The following NOL9 variants were observed in gnomAD, a reference collection of about 807,000 sequenced individuals.
NOL9 encodes the protein nucleolar protein 9.
NOL9 carries 28 observed loss-of-function variants against 67.9 expected under a neutral mutation model. That is an observed-to-expected ratio of 0.41 (90% CI 0.31 to 0.57). NOL9 has a LOEUF of 0.57. Among genes scored for constraint, NOL9 ranks in the 20% least tolerant of loss-of-function variants. The probability of loss-of-function intolerance (pLI) is 0.25; values close to 1 mark genes in which losing one functional copy is unlikely to be tolerated. For synonymous variants in NOL9, 356 were observed against 352.2 expected, an observed-to-expected ratio of 1.01 and a Z score of -0.12; for missense variants, 777 against 897.0, an observed-to-expected ratio of 0.87 and a Z score of 1.71.
intron 5 of NOL9, among the ~76,000 whole-genome samples, chr1:6,542,670 G>A (rs1377537574): frequency 4.0e-5 from 6 of 151,444 alleles, no homozygotes; most frequent in Admixed American, 3.9e-4. Context: ...TGTTAGCCAG[G>A]ATGGTCTCGA....
intron 10 of NOL9, 109 bp from the exon 11 acceptor site, chr1:6,526,938 G>A (rs1023468701): frequency 3.1e-5 from 43 of 1,367,532 alleles, no homozygotes; most frequent in Non-Finnish European, 3.9e-5. Flanking sequence ...TATCAACTCT[G>A]TTTTGTTTTG....
intron 1 of NOL9, among the ~76,000 whole-genome samples, chr1:6,553,458 T>C (rs1639588926): frequency 6.6e-6 from 1 of 151,996 alleles, no homozygotes; most frequent in African/African-American, 2.4e-5. Context: ...TTTAAATGGG[T>C]TCAAAGCCTA....
intron 1 of NOL9, among the ~76,000 whole-genome samples, chr1:6,552,347 G>C (rs1234337551): frequency 1.3e-5 from 2 of 150,464 alleles, no homozygotes; most frequent in Non-Finnish European, 3.0e-5. Context: ...TTCTGTACCT[G>C]AATTAGTTTG....
chr1:6,534,829 A>T (rs981734436), intron 6 of NOL9, among the ~76,000 whole-genome samples: 2 of 151,940 alleles, frequency 1.3e-5, no homozygotes, highest in African/African-American at 4.8e-5. Context: ...TTTGAGACAG[A>T]GTCTCACTCT....
intron 3 of NOL9, among the ~76,000 whole-genome samples, chr1:6,545,893 G>A (rs970868240): frequency 1.0e-4 from 12 of 117,138 alleles, no homozygotes; most frequent in Non-Finnish European, 1.3e-4. Flanking sequence ...CAACCTGGGC[G>A]ACAGAGGGAG....
chr1:6,549,030 C>T (rs923374563), intron 3 of NOL9, among the ~76,000 whole-genome samples: 1 of 151,616 alleles, frequency 6.6e-6, no homozygotes, highest in African/African-American at 2.4e-5. Context: ...TGCAGTGAGC[C>T]GAGAGATCAC....
Position 6,554,474 on chromosome 1 carries a change from C to T in NOL9, c.29G>A (p.Arg10Gln), listed in dbSNP as rs750670976. The T allele has an allele frequency of 4.3e-4, 672 of 1,550,002 alleles. No homozygotes were observed. Among genetic ancestry groups the T allele is most frequent in the Non-Finnish European group, 5.6e-4 (650 of 1,160,558 alleles). MADSGLLLK[R>Q]GSCRSTWLRV... Reference sequence around the variant, plus strand: ...CAGCCAAGTGGAACGGCAGGAACCCCGCTTTAGCAGCAGTCCCGAGTCCGC... The same window carrying T: ...CAGCCAAGTGGAACGGCAGGAACCCTGCTTTAGCAGCAGTCCCGAGTCCGC... The change falls in exon 1 of 12, where the codon CGG (arginine) becomes CAG (glutamine). Residue 10 changes from arginine (R) to glutamine (Q), a missense_variant. Arg to Gln is a conservative substitution (Grantham distance 43). Coordinates refer to ENST00000377705, the MANE Select transcript of NOL9 (RefSeq NM_024654.5).
At chr1:6,544,061 G>C (rs1388564914) in intron 5 of NOL9, among the ~76,000 whole-genome samples, 1 of 152,164 alleles carries the variant, frequency 6.6e-6, no homozygotes, top group East Asian at 1.9e-4. Flanking sequence ...GGGAGGCGGA[G>C]GTTGCAGTGA....
At chr1:6,539,756 T>G (rs1040253436) in intron 6 of NOL9, among the ~76,000 whole-genome samples, 3 of 152,210 alleles carry the variant, frequency 2.0e-5, no homozygotes, top group Non-Finnish European at 4.4e-5. Context: ...AGTGCTGGGA[T>G]TACAGGTGTG....
rs372692086 is a variant in NOL9, at chr1:6,544,967, T to C, written c.881-45A>G. ...TGATCGCTAGAATTAGCCGTCTTCC[T>C]TGGACTCGAATTATGACTAATCTTC... On this transcript the variant is annotated intron_variant, in intron 4 of 11. Transcript: ENST00000377705. 2.9e-5 allele frequency: 47 copies of C among 1,614,184 alleles called. No individual in the cohort carries two copies. The African/African-American group carries it at 4.4e-4, about 15-fold the overall frequency.
intron 7 of NOL9, 50 bp from the exon 8 acceptor site, chr1:6,532,810 C>T (rs1031930197): frequency 9.4e-6 from 14 of 1,491,124 alleles, no homozygotes; most frequent in East Asian, 2.3e-5. Flanking sequence ...AACAGTGACG[C>T]GCTCAAGAAC....
intron 6 of NOL9, among the ~76,000 whole-genome samples, chr1:6,535,052 C>G (rs900359269): frequency 2.6e-5 from 4 of 152,130 alleles, no homozygotes; most frequent in Non-Finnish European, 1.5e-5. Flanking sequence ...TCAAGTGATC[C>G]GCCTGCCTCG....
chr1:6,546,875 G>A (rs1218830109), intron 3 of NOL9, among the ~76,000 whole-genome samples: 1 of 152,020 alleles, frequency 6.6e-6, no homozygotes, highest in East Asian at 1.9e-4. Context: ...TTACTACTAA[G>A]CCTGTGAGTC....
chr1:6,547,553 T>A (rs867939290), intron 3 of NOL9, among the ~76,000 whole-genome samples: 1 of 150,968 alleles, frequency 6.6e-6, no homozygotes, highest in Non-Finnish European at 1.5e-5. Context: ...AAATGAATAA[T>A]ACGGTCAGCA....
At position 6,550,628 on chromosome 1, in the gene NOL9, G is replaced by C. The variant is rs868639241; in HGVS notation, c.397-13C>G. 1.3e-6 allele frequency: 2 copies of C among 1,544,480 alleles called. No individual in the cohort carries two copies. The highest frequency in any genetic ancestry group is 1.9e-4 in the Middle Eastern group (1 of 5,368). On this transcript the variant is annotated splice_polypyrimidine_tract_variant and intron_variant, in intron 1 of 11. Coordinates refer to ENST00000377705, the MANE Select transcript of NOL9 (RefSeq NM_024654.5). ...TAAAAGTAAAACCCTAGCAGGGAGAGAAAACAGAAAAAACATTATAGATCA... is the reference window on the plus strand; with the variant it reads ...TAAAAGTAAAACCCTAGCAGGGAGACAAAACAGAAAAAACATTATAGATCA...
Position 6,523,181 on chromosome 1 carries a change from AAAG to A in NOL9, c.*2670_*2672del, listed in dbSNP as rs1638808891. On this transcript the variant is annotated 3_prime_UTR_variant, in exon 12 of 12. Transcript: ENST00000377705. ...TGTCTCAAAAAAAAAGAAAAAAAAA[AAAG>A]AATAGCTCCAATGGAGAACTCCTTA... 6.6e-6 allele frequency: 1 copy of A among 151,972 alleles called. No individual in the cohort carries two copies. Among genetic ancestry groups the A allele is most frequent in the Non-Finnish European group, 1.5e-5 (1 of 68,054 alleles). 9.4% of individuals were successfully genotyped at this position (151,972 alleles called of 1,614,324 possible). A position where few individuals can be genotyped will look rare whatever the true frequency, so the allele number is the denominator to read the frequency against.
chr1:6,537,499 T>C (rs549077345), intron 6 of NOL9, among the ~76,000 whole-genome samples: 108 of 152,276 alleles, frequency 7.1e-4, no homozygotes, highest in African/African-American at 2.5e-3. Flanking sequence ...ATCCAAAATA[T>C]GTAAGGAACA....
At chr1:6,527,796 T>C (rs1638924522) in intron 10 of NOL9, among the ~76,000 whole-genome samples, 1 of 152,128 alleles carries the variant, frequency 6.6e-6, no homozygotes. Context: ...CTGGGCGTGG[T>C]GGCACATGCC....
At chr1:6,527,600 T>C (rs1363138457) in intron 10 of NOL9, among the ~76,000 whole-genome samples, 3 of 142,378 alleles carry the variant, frequency 2.1e-5, no homozygotes, top group African/African-American at 5.2e-5. Flanking sequence ...TGAGCCCAAA[T>C]AGAGAGAGAC....
Sources: gnomAD v4.1 joint callset for allele counts (sites outside exome capture counted in the v4.1 genomes callset) on GRCh38, gnomAD v4.1.1 for gene constraint, MANE v1.5 for transcripts, NCBI Gene and HGNC (gene_info 2026-07-23, HGNC 2026-07-21) for gene names.